TXLNB: variants seen among roughly 807,000 people sequenced by gnomAD.
The protein encoded by TXLNB is taxilin beta.
A neutral mutation model predicts 57.4 loss-of-function variants in TXLNB; 37 were observed. The ratio of observed to expected loss-of-function variants is 0.64; its 90% CI spans 0.50 to 0.85. The LOEUF is 0.85. Ranked by LOEUF, TXLNB falls within the 40% of genes least tolerant of loss-of-function variation. TXLNB has a pLI of 0.00. For missense variants in TXLNB, 848 were observed against 825.6 expected (o/e 1.03, Z -0.33); for synonymous variants, 302 against 309.6 (o/e 0.98, Z 0.26).
the TXLNB span, among the ~76,000 whole-genome samples, chr6:139,221,242 T>C: frequency 1.3e-5 from 2 of 152,202 alleles, no homozygotes; most frequent in Non-Finnish European, 2.9e-5. Context: ...ATTTTAGAGC[T>C]AGTTAATGGT....
intron 4 of TXLNB, among the ~76,000 whole-genome samples, chr6:139,266,191 C>T (rs1776610702): frequency 6.6e-6 from 1 of 152,142 alleles, no homozygotes; most frequent in Non-Finnish European, 1.5e-5. Context: ...ATCCAATAGA[C>T]AATGGCTTGA....
the TXLNB span, among the ~76,000 whole-genome samples, chr6:139,189,424 T>A: frequency 2.0e-5 from 3 of 152,354 alleles, no homozygotes; most frequent in South Asian, 6.2e-4. Flanking sequence ...TGTTTTTTAT[T>A]ATTAGAACTG....
intron 3 of TXLNB, among the ~76,000 whole-genome samples, chr6:139,276,038 A>G (rs1776886754): frequency 6.6e-6 from 1 of 152,220 alleles, no homozygotes; most frequent in African/African-American, 2.4e-5. Context: ...TTGCAACTAC[A>G]TGATTTCATG....
chr6:139,196,602 C>T, the TXLNB span, among the ~76,000 whole-genome samples: 3 of 91,376 alleles, frequency 3.3e-5, no homozygotes, highest in African/African-American at 1.3e-4. Context: ...TCTCGAACTC[C>T]TGACTTCGGC....
At chr6:139,200,205 C>G in the TXLNB span, 1 of 152,254 alleles carries the variant, frequency 6.6e-6, no homozygotes, top group East Asian at 1.9e-4. Flanking sequence ...TCTACACTTG[C>G]GGCCAGATCT....
chr6:139,275,914 C>T (rs1441491253), intron 3 of TXLNB, among the ~76,000 whole-genome samples: 1 of 152,218 alleles, frequency 6.6e-6, no homozygotes, highest in Non-Finnish European at 1.5e-5. Context: ...GTTCAACTTA[C>T]TGCCTGGAGG....
the TXLNB span, among the ~76,000 whole-genome samples, chr6:139,302,872 G>A: frequency 1.3e-5 from 2 of 152,046 alleles, no homozygotes; most frequent in East Asian, 1.9e-4. Context: ...AAATTAATGT[G>A]ATTTTGTGGT....
At chr6:139,206,993 G>A in the TXLNB span, among the ~76,000 whole-genome samples, 14 of 152,200 alleles carry the variant, frequency 9.2e-5, no homozygotes, top group Non-Finnish European at 1.6e-4. Context: ...TAATTACTAC[G>A]AGACCTAAGA....
At chr6:139,271,353 T>C (rs1776758649) in intron 3 of TXLNB, 1 of 152,290 alleles carries the variant, frequency 6.6e-6, no homozygotes, top group Non-Finnish European at 1.5e-5. Flanking sequence ...TGGTTTCTGC[T>C]GAGCCCAGTT....
chr6:139,168,424 A>T, the TXLNB span, among the ~76,000 whole-genome samples: 4 of 140,026 alleles, frequency 2.9e-5, no homozygotes, highest in Admixed American at 7.4e-5. Context: ...TGATTTGCAT[A>T]GTTTTTTTTT....
chr6:139,254,590 AG>A (rs1776288322), intron 7 of TXLNB, among the ~76,000 whole-genome samples: 1 of 152,180 alleles, frequency 6.6e-6, no homozygotes, highest in Non-Finnish European at 1.5e-5. Flanking sequence ...TAAGATGGGT[AG>A]GTCTGGCTTT....
At chr6:139,295,388 T>C (rs529993845), upstream of TXLNB, among the ~76,000 whole-genome samples, 1 of 152,356 alleles carries the variant, frequency 6.6e-6, no homozygotes, top group South Asian at 2.1e-4. Flanking sequence ...CTTTGAACTT[T>C]TGTAAAGAAT....
chr6:139,192,778 A>AC, the TXLNB span, among the ~76,000 whole-genome samples: 9 of 102,340 alleles, frequency 8.8e-5, no homozygotes, highest in Non-Finnish European at 8.9e-5. Flanking sequence ...CCCCGTCTCT[A>AC]CTAAAAAAAA....
the TXLNB span, among the ~76,000 whole-genome samples, chr6:139,161,056 C>T: frequency 2.6e-5 from 4 of 151,932 alleles, no homozygotes; most frequent in South Asian, 2.1e-4. Flanking sequence ...GTGTGTGTGT[C>T]GGGGACAGGG....
At chr6:139,307,936 G>C in the TXLNB span, among the ~76,000 whole-genome samples, 1 of 152,130 alleles carries the variant, frequency 6.6e-6, no homozygotes, top group African/African-American at 2.4e-5. Flanking sequence ...TAGGGACCCA[G>C]AGTGGAAGTG....
chr6:139,211,968 A>G, the TXLNB span, among the ~76,000 whole-genome samples: 1 of 152,218 alleles, frequency 6.6e-6, no homozygotes, highest in South Asian at 2.1e-4. Flanking sequence ...TCCAAGAAAT[A>G]TGGGACTAGT....
the TXLNB span, among the ~76,000 whole-genome samples, chr6:139,320,595 T>A: frequency 6.6e-6 from 1 of 152,222 alleles, no homozygotes; most frequent in African/African-American, 2.4e-5. Context: ...AACTCCACTT[T>A]TGGGGAATTT....
chr6:139,265,444 GTC>G (rs1360658909), intron 4 of TXLNB, among the ~76,000 whole-genome samples: 2 of 151,794 alleles, frequency 1.3e-5, no homozygotes, highest in Admixed American at 1.3e-4. Context: ...GTGTGTGTGT[GTC>G]TGTGTGTGTG....
downstream of TXLNB, among the ~76,000 whole-genome samples, chr6:139,235,887 G>A (rs1483260506): frequency 6.6e-6 from 1 of 152,192 alleles, no homozygotes; most frequent in Non-Finnish European, 1.5e-5. Flanking sequence ...CAGGCAGCTG[G>A]ATGTCAAGAA....
Sources: gnomAD v4.1 joint callset for allele counts (sites outside exome capture counted in the v4.1 genomes callset) on GRCh38, gnomAD v4.1.1 for gene constraint, MANE v1.5 for transcripts, NCBI Gene and HGNC (gene_info 2026-07-23, HGNC 2026-07-21) for gene names.